Variants in PPIP5K2 observed in about 807,000 individuals in gnomAD.
PPIP5K2 encodes the protein diphosphoinositol pentakisphosphate kinase 2.
A neutral mutation model predicts 154.6 loss-of-function variants in PPIP5K2; 105 were observed. That is an observed-to-expected ratio of 0.68 (90% CI 0.58 to 0.80). The LOEUF (loss-of-function observed/expected upper bound fraction) is 0.80. Among genes scored for constraint, PPIP5K2 ranks in the 30% least tolerant of loss-of-function variants. PPIP5K2 has a pLI of 0.00. For synonymous variants in PPIP5K2, 480 were observed against 490.3 expected, an observed-to-expected ratio of 0.98 and a Z score of 0.28; for missense variants, 992 against 1,504.6, an observed-to-expected ratio of 0.66 and a Z score of 5.64.
intron 2 of PPIP5K2, among the ~76,000 whole-genome samples, chr5:103,132,129 T>G (rs1270686703): frequency 6.6e-6 from 1 of 152,142 alleles, no homozygotes; most frequent in Non-Finnish European, 1.5e-5. Flanking sequence ...ATACAGAAGA[T>G]TCCAGGAGAG....
chr5:103,127,804 T>C (rs1789948380), intron 1 of PPIP5K2, among the ~76,000 whole-genome samples: 1 of 152,162 alleles, frequency 6.6e-6, no homozygotes, highest in African/African-American at 2.4e-5. Context: ...TATCGAAATA[T>C]TTGAGCTGTT....
intron 28 of PPIP5K2, 38 bp from the exon 29 acceptor site, chr5:103,190,804 A>G: frequency 6.5e-7 from 1 of 1,534,340 alleles, no homozygotes; most frequent in Admixed American, 2.1e-5. Flanking sequence ...TAAAATATCC[A>G]TCTTTTATTT....
intron 28 of PPIP5K2, chr5:103,188,949 G>T (rs797030981): frequency 5.0e-6 from 2 of 396,506 alleles, no homozygotes; most frequent in Non-Finnish European, 8.9e-6. Flanking sequence ...GAGTTTTAAG[G>T]TTTCCTTTTT....
chr5:103,202,266 A>G lies in PPIP5K2; in HGVS notation c.*632A>G, dbSNP rs1219662796. 5 of 152,612 alleles carry G rather than the reference A, an allele frequency of 3.3e-5. No homozygotes were observed. The allele number at this position is 152,612 out of a possible 1,614,324, so 9.5% of individuals were successfully genotyped here. On this transcript the variant is annotated 3_prime_UTR_variant, in exon 31 of 31. Coordinates refer to ENST00000358359, the MANE Select transcript of PPIP5K2 (RefSeq NM_001276277.3). Reference sequence around the variant, plus strand: ...CTGGGAGAACTACACCTTTGTGCACATAGATTTATATATTAATTTGTAGAA... The same window carrying G: ...CTGGGAGAACTACACCTTTGTGCACGTAGATTTATATATTAATTTGTAGAA...
At chr5:103,194,722 G>A (rs906900391) in intron 29 of PPIP5K2, 178 bp from the exon 30 acceptor site, 16 of 583,150 alleles carry the variant, frequency 2.7e-5, no homozygotes, top group Middle Eastern at 4.8e-4. Flanking sequence ...TTTGTCTAAG[G>A]CCATAACAGA....
chr5:103,180,093 C>T lies in PPIP5K2; in HGVS notation c.2827C>T (p.Arg943Ter), dbSNP rs550590492. 2.5e-6 allele frequency: 4 copies of T among 1,602,078 alleles called. No homozygotes were observed. Among genetic ancestry groups the T allele is most frequent in the African/African-American group, 1.4e-5 (1 of 73,840 alleles). ...TACTTCTAAAAGAGATGAAGTTGAT[C>T]GAGCTGTGATATTGTTTAAACCAAT... is the stretch of plus-strand genomic sequence containing the variant. ...PHTSKRDEVD[R>*]AVILFKPMVS... is the part of the protein sequence containing the mutation. The change falls in exon 24 of 31, where the codon CGA becomes TGA. Residue 943 changes from arginine to a stop codon, truncating the protein, a stop_gained. Transcript: ENST00000358359. LOFTEE classifies it high-confidence loss of function.
intron 28 of PPIP5K2, chr5:103,189,110 T>C (rs931602112): frequency 7.4e-5 from 98 of 1,329,718 alleles, no homozygotes; most frequent in Middle Eastern, 3.6e-4. Flanking sequence ...TCAAGGAACA[T>C]GGTGAAACAA....
At chr5:103,125,822 G>A (rs1463894047) in intron 1 of PPIP5K2, among the ~76,000 whole-genome samples, 5 of 152,228 alleles carry the variant, frequency 3.3e-5, no homozygotes, top group African/African-American at 7.2e-5. Flanking sequence ...TAGCAGAGAC[G>A]GGGTTTCACC....
intron 19 of PPIP5K2, among the ~76,000 whole-genome samples, chr5:103,172,021 A>G (rs1211976488): frequency 2.0e-5 from 3 of 151,606 alleles, no homozygotes; most frequent in Non-Finnish European, 4.4e-5. Context: ...CTTTCCATTC[A>G]TTCAAGATCA....
intron 5 of PPIP5K2, among the ~76,000 whole-genome samples, chr5:103,139,653 G>T (rs1425460576): frequency 6.6e-6 from 1 of 152,110 alleles, no homozygotes; most frequent in East Asian, 1.9e-4. Flanking sequence ...AGAACATCCA[G>T]AAAAATGTGA....
At chr5:103,172,276 A>G (rs1398882872) in intron 19 of PPIP5K2, among the ~76,000 whole-genome samples, 2 of 151,566 alleles carry the variant, frequency 1.3e-5, no homozygotes, top group Admixed American at 6.6e-5. Context: ...TGACCACAGG[A>G]AGTCCTGTTT....
chr5:103,120,823 G>A (rs370491459), intron 1 of PPIP5K2: 150 of 243,350 alleles, frequency 6.2e-4, no homozygotes, highest in Middle Eastern at 5.1e-3. Flanking sequence ...GATTAGCCTC[G>A]AGTTATGGGA....
chr5:103,156,318 G>C (rs568542132), intron 14 of PPIP5K2, among the ~76,000 whole-genome samples: 10 of 152,226 alleles, frequency 6.6e-5, no homozygotes, highest in Middle Eastern at 6.8e-3. Context: ...TTTGATAGTA[G>C]AGGGCAGAGT....
chr5:103,158,194 G>A lies in PPIP5K2; in HGVS notation c.1496G>A (p.Arg499Gln), dbSNP rs781995306. The A allele has an allele frequency of 2.5e-5, 40 of 1,612,782 alleles. No individual in the cohort carries two copies. The Middle Eastern group carries it at 3.3e-3, about 133-fold the overall frequency. Reference sequence around the variant, plus strand: ...TCATTCATATGTGTCATAGACAGCCGAAGAGAAGAACCATCTTTACTTTTG... The same window carrying A: ...TCATTCATATGTGTCATAGACAGCCAAAGAGAAGAACCATCTTTACTTTTG... ...PKTSSEEEDS[R>Q]REEPSLLLVL... The change falls in exon 15 of 31, where the codon CGA becomes CAA. Residue 499 changes from arginine (R) to glutamine (Q), a missense_variant. Transcript: ENST00000358359.
Position 103,212,391 on chromosome 5 carries a change from T to G in PPIP5K2, c.*10757T>G, listed in dbSNP as rs1803853045. ...GAAACAGTTGGCATCCCAGGAGAGT[T>G]GTTGCCTGAGGAACTAGATGGTGGT... On this transcript the variant is annotated 3_prime_UTR_variant, in exon 31 of 31. Coordinates refer to ENST00000358359, the MANE Select transcript of PPIP5K2 (RefSeq NM_001276277.3). 1 of 152,274 alleles carries G rather than the reference T, an allele frequency of 6.6e-6. No individual in the cohort carries two copies. Among genetic ancestry groups the G allele is most frequent in the African/African-American group, 2.4e-5 (1 of 41,442 alleles). The allele number at this position is 152,274 out of a possible 1,614,324, so 9.4% of individuals were successfully genotyped here. A position where few individuals can be genotyped will look rare whatever the true frequency, so the allele number is the denominator to read the frequency against.
chr5:103,197,568 A>AT (rs1802286244), intron 30 of PPIP5K2, among the ~76,000 whole-genome samples: 1 of 130,278 alleles, frequency 7.7e-6, no homozygotes, highest in Admixed American at 7.8e-5. Context: ...TTAAAACACA[A>AT]ATTTTTTTTT....
chr5:103,162,643 A>G (rs1321836043), intron 17 of PPIP5K2, among the ~76,000 whole-genome samples: 1 of 152,152 alleles, frequency 6.6e-6, no homozygotes, highest in African/African-American at 2.4e-5. Flanking sequence ...AATTACAGGC[A>G]TGAGCCACCA....
intron 3 of PPIP5K2, 92 bp downstream of exon 3, chr5:103,133,740 A>G (rs1791025568): frequency 9.4e-7 from 1 of 1,061,100 alleles, no homozygotes; most frequent in Non-Finnish European, 1.3e-6. Flanking sequence ...AAACAGAAAA[A>G]TAAACATTAA....
intron 5 of PPIP5K2, among the ~76,000 whole-genome samples, chr5:103,142,080 A>G (rs1562393618): frequency 6.6e-6 from 1 of 152,132 alleles, no homozygotes. Context: ...GCCGTGGAGC[A>G]GGGGGTGGTG....
Sources: allele counts gnomAD v4.1 joint callset (sites outside exome capture counted in the v4.1 genomes callset), GRCh38; gene constraint gnomAD v4.1.1; transcripts MANE v1.5; gene names NCBI Gene and HGNC (gene_info 2026-07-23, HGNC 2026-07-21).